The following ESR1 variants were observed in gnomAD, a reference collection of about 807,000 sequenced individuals.
ESR1 encodes the protein estrogen receptor 1.
Under a neutral mutation model 52.7 loss-of-function variants are expected in ESR1, and 12 were observed. The observed-to-expected ratio is 0.23, with a 90% confidence interval of 0.15 to 0.37. ESR1 has a LOEUF of 0.37. Among genes scored for constraint, ESR1 ranks in the 10% least tolerant of loss-of-function variants. The pLI is 1.00. For synonymous variants in ESR1, 305 were observed against 316.8 expected (o/e 0.96, Z 0.39); for missense variants, 584 against 779.7 (o/e 0.75, Z 2.99).
intron 1 of ESR1, among the ~76,000 whole-genome samples, chr6:151,824,900 A>G (rs887590635): frequency 5.9e-5 from 9 of 151,502 alleles, no homozygotes; most frequent in Non-Finnish European, 1.2e-4. Flanking sequence ...CAGGCTGGGC[A>G]ACAGAGCGAG....
rs2046839107 is a variant in ESR1, at chr6:152,053,383, C to A, written c.1236-7608C>A. Reference sequence around the variant, plus strand: ...ATGCTGTTGCTCCCAAATTGCCTCCCTCTGCCAGTTTCTTGCCCCTTCCTC... The same window carrying A: ...ATGCTGTTGCTCCCAAATTGCCTCCATCTGCCAGTTTCTTGCCCCTTCCTC... On this transcript the variant is annotated intron_variant, in intron 5 of 7. Coordinates refer to ENST00000206249, the MANE Select transcript of ESR1 (RefSeq NM_000125.4). This position sits in a 1 kb window ranked among gnomAD's most constrained non-coding sequence, Gnocchi z 4.1. Among the ~76,000 whole-genome samples the A allele has an allele frequency of 6.6e-6, 1 of 152,118 alleles. No individual in the cohort carries two copies. The highest frequency in any genetic ancestry group is 2.1e-4 in the South Asian group (1 of 4,822).
At chr6:152,075,685 A>G (rs1377474862) in intron 6 of ESR1, among the ~76,000 whole-genome samples, 2 of 152,248 alleles carry the variant, frequency 1.3e-5, no homozygotes, top group Non-Finnish European at 2.9e-5. Flanking sequence ...TTTGCAAACC[A>G]GAACCAAGAT....
intron 2 of ESR1, among the ~76,000 whole-genome samples, chr6:151,791,370 A>C (rs577084465): frequency 1.6e-4 from 24 of 152,198 alleles, no homozygotes; most frequent in East Asian, 5.8e-4. Context: ...CTCTTTCACG[A>C]GCTCTCTTGC....
intron 2 of ESR1, among the ~76,000 whole-genome samples, chr6:151,781,785 T>TA (rs983011417): frequency 4.7e-5 from 7 of 148,252 alleles, no homozygotes; most frequent in African/African-American, 7.5e-5. Flanking sequence ...GTGTTTGTTT[T>TA]AAAAAAAAGT....
In ESR1 at chr6:151,903,581, ATTTTC is replaced by A. The variant is rs372833251; in HGVS notation, c.760+22814_760+22818del. Among the ~76,000 whole-genome samples, 52 of 152,130 alleles carry A rather than the reference ATTTTC, an allele frequency of 3.4e-4. No individual in the cohort carries two copies. The East Asian group carries it at 7.5e-3, about 22-fold the overall frequency. On this transcript the variant is annotated intron_variant, in intron 3 of 7. Transcript: ENST00000206249. ...TTCTAAGTCCTTTACTTGACCACTT[ATTTTC>A]TTTAATTGCTAGACTTAATCATCCA...
chr6:152,109,834 A>T (rs936381428), intron 6 of ESR1, among the ~76,000 whole-genome samples: 5 of 152,226 alleles, frequency 3.3e-5, no homozygotes, highest in Non-Finnish European at 5.9e-5. Flanking sequence ...TGCCGGTTGA[A>T]GGGAAGGGTG....
At chr6:152,026,742 A>T (rs969033666) in intron 5 of ESR1, among the ~76,000 whole-genome samples, 8 of 152,094 alleles carry the variant, frequency 5.3e-5, no homozygotes, top group Non-Finnish European at 1.2e-4. Flanking sequence ...TCCTTTATAA[A>T]GCATTCATTT....
intron 1 of ESR1, among the ~76,000 whole-genome samples, chr6:151,835,678 G>A (rs1783213608): frequency 6.6e-6 from 1 of 152,218 alleles, no homozygotes; most frequent in African/African-American, 2.4e-5. Flanking sequence ...ATGTGGGCGA[G>A]TGTAGTGTGA....
intron 1 of ESR1, among the ~76,000 whole-genome samples, chr6:151,830,474 T>C (rs529343744): frequency 6.6e-6 from 1 of 152,322 alleles, no homozygotes; most frequent in East Asian, 1.9e-4. Context: ...GTCAGGCTTT[T>C]TAAAAAAGAA....
intron 2 of ESR1, among the ~76,000 whole-genome samples, chr6:151,752,659 A>G (rs1334496491): frequency 2.6e-5 from 4 of 152,180 alleles, no homozygotes; most frequent in Admixed American, 6.5e-5. Context: ...GGACTACACT[A>G]TAGAATTAAA....
At chr6:151,881,596 G>A (rs2128336406) in intron 3 of ESR1, among the ~76,000 whole-genome samples, 1 of 152,270 alleles carries the variant, frequency 6.6e-6, no homozygotes, top group Middle Eastern at 3.4e-3. Context: ...AGCCTTCAGT[G>A]TAGTGGAAGA....
At position 151,728,717 on chromosome 6, in the gene ESR1, C is replaced by T. The variant is rs528413138; in HGVS notation, c.-71+26712C>T. Among the ~76,000 whole-genome samples the T allele has an allele frequency of 6.2e-3, 944 of 152,288 alleles. 14 individuals are homozygous for T. The highest frequency in any genetic ancestry group is 0.022 in the African/African-American group (907 of 41,564). ...TCCTTTTAAAATTCTCTTTCCTACCCTCCACCCCTCACTGTTTACCAAAAA... is the reference window on the plus strand; with the variant it reads ...TCCTTTTAAAATTCTCTTTCCTACCTTCCACCCCTCACTGTTTACCAAAAA... On this transcript the variant is annotated intron_variant, in intron 2 of 2. Coordinates refer to the ESR1 transcript ENST00000404742.
intron 6 of ESR1, among the ~76,000 whole-genome samples, chr6:152,121,081 G>A (rs1034531611): frequency 1.3e-5 from 2 of 152,328 alleles, no homozygotes; most frequent in South Asian, 4.1e-4. Context: ...CACCAGAGCT[G>A]TCTACCAGAA....
intron 2 of ESR1, among the ~76,000 whole-genome samples, chr6:151,853,096 C>T (rs1362655062): frequency 1.5e-5 from 2 of 132,286 alleles, no homozygotes; most frequent in South Asian, 2.6e-4. Flanking sequence ...GGCTTGAACT[C>T]GAGAGGTGGA....
chr6:152,082,352 T>C (rs2049299981), intron 6 of ESR1, among the ~76,000 whole-genome samples: 1 of 152,030 alleles, frequency 6.6e-6, no homozygotes, highest in Non-Finnish European at 1.5e-5. Flanking sequence ...ACAGAACCAA[T>C]GACAAAAACC....
At chr6:151,918,775 A>T (rs2030939030) in intron 3 of ESR1, among the ~76,000 whole-genome samples, 1 of 152,210 alleles carries the variant, frequency 6.6e-6, no homozygotes, top group Non-Finnish European at 1.5e-5. Context: ...TTTGTTCCAA[A>T]CTTATATAAG....
intron 2 of ESR1, among the ~76,000 whole-genome samples, chr6:151,730,238 C>T (rs921017122): frequency 1.3e-5 from 2 of 152,038 alleles, no homozygotes; most frequent in Non-Finnish European, 2.9e-5. Context: ...TGCCTTCGAC[C>T]CCCCGGGGCT....
At chr6:152,035,697 C>G (rs2045233528) in intron 5 of ESR1, among the ~76,000 whole-genome samples, 1 of 152,104 alleles carries the variant, frequency 6.6e-6, no homozygotes, top group Admixed American at 6.5e-5. Context: ...TACAGTATGG[C>G]ATTGGCATAG....
chr6:152,042,809 A>C (rs761824685), intron 5 of ESR1, among the ~76,000 whole-genome samples: 81 of 152,320 alleles, frequency 5.3e-4, no homozygotes, highest in South Asian at 1.4e-3. Context: ...CCAGAGCTCT[A>C]CACAAGTCAG....
Sources: allele counts gnomAD v4.1 joint callset (sites outside exome capture counted in the v4.1 genomes callset), GRCh38; gene constraint gnomAD v4.1.1; non-coding constraint Gnocchi (gnomAD v3.1); transcripts MANE v1.5; gene names NCBI Gene and HGNC (gene_info 2026-07-23, HGNC 2026-07-21).